Variants in COL4A5 observed in about 807,000 individuals in gnomAD.
COL4A5 encodes the protein collagen type IV alpha 5 chain.
Under a neutral mutation model 130.2 loss-of-function variants are expected in COL4A5, and 26 were observed. The observed-to-expected ratio is 0.20, with a 90% CI of 0.15 to 0.28. The LOEUF (loss-of-function observed/expected upper bound fraction) is 0.28. Among genes scored for constraint, COL4A5 ranks in the 10% least tolerant of loss-of-function variants. The probability of loss-of-function intolerance (pLI) is 1.00; values close to 1 mark genes in which losing one functional copy is unlikely to be tolerated. For missense variants in COL4A5, 1,131 were observed against 1,344.3 expected, an observed-to-expected ratio of 0.84 and a Z score of 2.48; for synonymous variants, 496 against 439.6, an observed-to-expected ratio of 1.13 and a Z score of -1.60.
rs1350143079 is a variant in COL4A5, at chrX:108,530,542, G to A, written c.82-9204G>A. Among the ~76,000 whole-genome samples, 283 of 101,186 alleles carry A rather than the reference G, an allele frequency of 2.8e-3. 1 individual carries two copies. Among genetic ancestry groups the A allele is most frequent in the African/African-American group, 9.8e-3 (267 of 27,280 alleles). 87.9% of individuals were successfully genotyped at this position (101,186 alleles called of 115,157 possible). The stretch of plus-strand genomic sequence containing the variant: ...CAAACAACCCCATCAAAAAGTGGGC[G>A]AAGGACATGAACAGACACTTCTCAA... On this transcript the variant is annotated intron_variant, in intron 1 of 52. Transcript: ENST00000328300.
At chrX:108,585,853 A>G (rs1353844185) in intron 18 of COL4A5, among the ~76,000 whole-genome samples, 1 of 111,123 alleles carries the variant, frequency 9.0e-6, no homozygotes, top group Non-Finnish European at 1.9e-5. Context: ...TATAGTAGGT[A>G]TATATATTTA....
rs2066662215 is a variant in COL4A5 at position 108,602,993 on chromosome X, G to A, written c.2176G>A (p.Ala726Thr). 1.7e-6 allele frequency: 2 copies of A among 1,189,451 alleles called. No homozygotes were observed. The highest frequency in any genetic ancestry group is 3.5e-5 in the African/African-American group (2 of 56,570). ...GFPGIPGPPG[A>T]PGTPGRIGLE... Reference sequence around the variant, plus strand: ...TCCTGGAATTCCAGGACCTCCAGGAGCACCTGGGACACCTGGAAGAATTGG... The same window carrying A: ...TCCTGGAATTCCAGGACCTCCAGGAACACCTGGGACACCTGGAAGAATTGG... The change falls in exon 28 of 53, where the codon GCA becomes ACA. Residue 726 changes from alanine (A) to threonine (T), a missense_variant. Physicochemically the swap from Ala to Thr is moderately conservative, Grantham distance 58 (BLOSUM62 0). Transcript: ENST00000328300.
At chrX:108,517,481 C>T (rs760590071) in intron 1 of COL4A5, among the ~76,000 whole-genome samples, 5 of 111,675 alleles carry the variant, frequency 4.5e-5, no homozygotes, top group East Asian at 2.8e-4. Flanking sequence ...TTATCAAGGA[C>T]GTAAGCAGGT....
chrX:108,605,117 A>C (rs955182913), intron 28 of COL4A5, among the ~76,000 whole-genome samples: 1 of 112,060 alleles, frequency 8.9e-6, no homozygotes, highest in African/African-American at 3.2e-5. Flanking sequence ...TAATTTCCTT[A>C]AATAACTTTT....
chrX:108,696,472 T>A lies in COL4A5; in HGVS notation c.*94T>A. 1.5e-6 allele frequency: 1 copy of A among 650,404 alleles called. No individual in the cohort carries two copies. Among genetic ancestry groups the A allele is most frequent in the Non-Finnish European group, 2.4e-6 (1 of 410,099 alleles). The allele number at this position is 650,404 out of a possible 1,213,427, so 53.6% of individuals were successfully genotyped here. A position where few individuals can be genotyped will look rare whatever the true frequency, so the allele number is the denominator to read the frequency against. ...GTCTCATTGTCCCCAACTTTACTACTGCTGCCGTCAATGGTGCTACTATAT... is the reference window on the plus strand; with the variant it reads ...GTCTCATTGTCCCCAACTTTACTACAGCTGCCGTCAATGGTGCTACTATAT... On this transcript the variant is annotated 3_prime_UTR_variant, in exon 53 of 53. Coordinates refer to ENST00000328300, the MANE Select transcript of COL4A5 (RefSeq NM_033380.3).
intron 2 of COL4A5, among the ~76,000 whole-genome samples, chrX:108,552,684 A>T (rs1487426349): frequency 8.9e-6 from 1 of 111,993 alleles, no homozygotes; most frequent in East Asian, 2.8e-4. Flanking sequence ...GAATTGGAAG[A>T]CTCAATATTG....
At chrX:108,647,894 C>T (rs1298190883) in intron 36 of COL4A5, among the ~76,000 whole-genome samples, 4 of 111,481 alleles carry the variant, frequency 3.6e-5, no homozygotes, top group South Asian at 7.5e-4. Flanking sequence ...TATTGATTTG[C>T]GAATGTTGAA....
intron 25 of COL4A5, 120 bp from the exon 26 acceptor site, chrX:108,601,272 AT>A: frequency 2.0e-6 from 1 of 502,781 alleles, no homozygotes; most frequent in Non-Finnish European, 3.5e-6. Flanking sequence ...TTTCTTGTGA[AT>A]TTTTGTTAGT....
intron 47 of COL4A5, 71 bp downstream of exon 47, chrX:108,681,959 A>G: frequency 2.0e-6 from 2 of 1,025,242 alleles, no homozygotes; most frequent in Non-Finnish European, 1.4e-6. Context: ...CAGAATGTAC[A>G]GGTTTGTTAC....
chrX:108,523,447 T>G (rs1489168384), intron 1 of COL4A5, among the ~76,000 whole-genome samples: 5 of 112,414 alleles, frequency 4.4e-5, no homozygotes, highest in Non-Finnish European at 1.9e-5. Flanking sequence ...CCCATTGATC[T>G]ACACGTCTGT....
chrX:108,566,238 C>CT lies in COL4A5; in HGVS notation c.276+2325dup, dbSNP rs78147157. 6.8e-3 allele frequency among the ~76,000 whole-genome samples: 697 copies of CT among 102,519 alleles called. 2 individuals are homozygous for CT. Among genetic ancestry groups the CT allele is most frequent in the East Asian group, 0.037 (123 of 3,292 alleles). 89.0% of individuals were successfully genotyped at this position (102,519 alleles called of 115,157 possible). A position where few individuals can be genotyped will look rare whatever the true frequency, so the allele number is the denominator to read the frequency against. On this transcript the variant is annotated intron_variant, in intron 4 of 52. Transcript: ENST00000328300. Reference sequence around the variant, plus strand: ...GTGGTCATCAAGGAAAATTCTTCAACTTTTTTTTTTTTTCATTATATGCAC... The same window carrying CT: ...GTGGTCATCAAGGAAAATTCTTCAACTTTTTTTTTTTTTTCATTATATGCAC...
chrX:108,577,447 C>T (rs935670862), intron 10 of COL4A5, among the ~76,000 whole-genome samples: 2 of 106,542 alleles, frequency 1.9e-5, no homozygotes, highest in Non-Finnish European at 3.9e-5. Flanking sequence ...TAAATAGGCC[C>T]ATTGAGGTTA....
chrX:108,440,700 T>C (rs1290092910), intron 1 of COL4A5, among the ~76,000 whole-genome samples: 1 of 111,761 alleles, frequency 8.9e-6, no homozygotes, highest in South Asian at 3.8e-4. Context: ...TGCTCTTTCC[T>C]TAAGCAACAG....
At chrX:108,695,744 C>G (rs1603328802) in intron 52 of COL4A5, 1 of 299,685 alleles carries the variant, frequency 3.3e-6, no homozygotes, top group East Asian at 7.5e-5. Flanking sequence ...TGAGACCACC[C>G]CAGGAATTGA....
intron 6 of COL4A5, among the ~76,000 whole-genome samples, chrX:108,569,275 A>T (rs1322861935): frequency 8.9e-6 from 1 of 112,555 alleles, no homozygotes. Context: ...AAAAAATTAT[A>T]TGTAATACAG....
chrX:108,646,791 C>T (rs954900675), intron 36 of COL4A5, among the ~76,000 whole-genome samples: 1 of 111,583 alleles, frequency 9.0e-6, no homozygotes, highest in African/African-American at 3.3e-5. Context: ...TTTCAGCTTT[C>T]TACATATGGC....
At chrX:108,493,354 G>A (rs777779352) in intron 1 of COL4A5, among the ~76,000 whole-genome samples, 9 of 111,322 alleles carry the variant, frequency 8.1e-5, no homozygotes, top group Non-Finnish European at 1.3e-4. Flanking sequence ...AAGTTCAAAG[G>A]AAAAATGAAT....
chrX:108,691,414 T>C (rs2068638108), intron 49 of COL4A5, among the ~76,000 whole-genome samples: 1 of 111,425 alleles, frequency 9.0e-6, no homozygotes. Flanking sequence ...AAGTCTCCAT[T>C]AACTCAAGCT....
intron 2 of COL4A5, among the ~76,000 whole-genome samples, chrX:108,554,794 A>G (rs1302400884): frequency 9.0e-6 from 1 of 111,283 alleles, no homozygotes; most frequent in Non-Finnish European, 1.9e-5. Context: ...CCCAGGAGGT[A>G]TAGGCTGCAG....
Sources: allele counts gnomAD v4.1 joint callset (sites outside exome capture counted in the v4.1 genomes callset), GRCh38; gene constraint gnomAD v4.1.1; transcripts MANE v1.5; gene names NCBI Gene and HGNC (gene_info 2026-07-23, HGNC 2026-07-21).